Variants in RAPH1 observed in about 807,000 individuals in gnomAD.
RAPH1 encodes the protein Ras association (RalGDS/AF-6) and pleckstrin homology domains 1.
A neutral mutation model predicts 88.1 loss-of-function variants in RAPH1; 18 were observed. That is an observed-to-expected ratio of 0.20 (90% confidence interval 0.14 to 0.30). The LOEUF (loss-of-function observed/expected upper bound fraction) is 0.30. Ranked by LOEUF, RAPH1 falls within the 10% of genes least tolerant of loss-of-function variation. The probability of loss-of-function intolerance (pLI) is 1.00; values close to 1 mark genes in which losing one functional copy is unlikely to be tolerated. For missense variants in RAPH1, 1,448 were observed against 1,543.2 expected, an observed-to-expected ratio of 0.94 and a Z score of 1.03; for synonymous variants, 587 against 559.0, an observed-to-expected ratio of 1.05 and a Z score of -0.71.
At chr2:203,483,329 C>T (rs554555325) in intron 4 of RAPH1, among the ~76,000 whole-genome samples, 1 of 152,134 alleles carries the variant, frequency 6.6e-6, no homozygotes, top group South Asian at 2.1e-4. Flanking sequence ...GCAGTGAAGG[C>T]GGTGAGAAGT....
chr2:203,458,762 CTTTT>C (rs2098521879), intron 7 of RAPH1, among the ~76,000 whole-genome samples: 3 of 148,994 alleles, frequency 2.0e-5, no homozygotes, highest in Non-Finnish European at 3.0e-5. Context: ...ACTTCTTTTT[CTTTT>C]TCTCTTTTTT....
chr2:203,465,628 C>G (rs567357733), intron 4 of RAPH1, among the ~76,000 whole-genome samples: 1 of 152,322 alleles, frequency 6.6e-6, no homozygotes, highest in East Asian at 1.9e-4. Flanking sequence ...TGGCCCATGC[C>G]TGTAATCCCA....
Position 203,439,382 on chromosome 2 carries a change from G to C in RAPH1, c.*55C>G. ...AACACCTGAATTCACAGATGATCAGGTGAGCTGATTGTAGCAGTGATTACA... is the reference window on the plus strand; with the variant it reads ...AACACCTGAATTCACAGATGATCAGCTGAGCTGATTGTAGCAGTGATTACA... On this transcript the variant is annotated 3_prime_UTR_variant, in exon 14 of 14. Coordinates refer to ENST00000319170, the MANE Select transcript of RAPH1 (RefSeq NM_213589.3). 6.5e-7 allele frequency: 1 copy of C among 1,528,528 alleles called. No homozygotes were observed. Among genetic ancestry groups the C allele is most frequent in the Non-Finnish European group, 9.0e-7 (1 of 1,115,162 alleles). The allele number at this position is 1,528,528 out of a possible 1,614,324, so 94.7% of individuals were successfully genotyped here.
intron 4 of RAPH1, among the ~76,000 whole-genome samples, chr2:203,470,071 T>A (rs531352807): frequency 6.6e-6 from 1 of 152,318 alleles, no homozygotes; most frequent in African/African-American, 2.4e-5. Flanking sequence ...CAATATTGCC[T>A]GACAGTCATT....
chr2:203,520,409 C>A (rs980223922), intron 1 of RAPH1, among the ~76,000 whole-genome samples: 1 of 151,532 alleles, frequency 6.6e-6, no homozygotes, highest in African/African-American at 2.4e-5. Flanking sequence ...GGGTGGATCA[C>A]CTGAGGTCAG....
chr2:203,483,671 G>A lies in RAPH1; in HGVS notation c.732+5913C>T, dbSNP rs563827151. Among the ~76,000 whole-genome samples, 4 of 152,328 alleles carry A rather than the reference G, an allele frequency of 2.6e-5. No individual in the cohort carries two copies. In the South Asian group the frequency reaches 6.2e-4, roughly 24 times the overall value. On this transcript the variant is annotated intron_variant, in intron 4 of 13. Coordinates refer to ENST00000319170, the MANE Select transcript of RAPH1 (RefSeq NM_213589.3). Reference sequence around the variant, plus strand: ...AGAGTGTTTCCAGAGGAGATGGTGTGTGAACCAGGACTGAGTGGGGAAGAT... The same window carrying A: ...AGAGTGTTTCCAGAGGAGATGGTGTATGAACCAGGACTGAGTGGGGAAGAT...
At chr2:203,519,146 C>G (rs749783733) in intron 1 of RAPH1, among the ~76,000 whole-genome samples, 85 of 152,290 alleles carry the variant, frequency 5.6e-4, no homozygotes, top group African/African-American at 2.0e-3. Context: ...CATAGTAACT[C>G]ATGAGCCAGC....
Position 203,460,023 on chromosome 2 carries a change from TTC to T in RAPH1, c.974_975del (p.Arg325AsnfsTer3). 6.2e-7 allele frequency: 1 copy of T among 1,603,802 alleles called. No homozygotes were observed. The highest frequency in any genetic ancestry group is 8.5e-7 in the Non-Finnish European group (1 of 1,175,058). On this transcript the variant is annotated frameshift_variant, in exon 7 of 14. Coordinates refer to ENST00000319170, the MANE Select transcript of RAPH1 (RefSeq NM_213589.3). LOFTEE classifies it high-confidence loss of function. ...VETVSELQME[R>X]IFEDHENLVE... ...ACCAAGTTTTCATGGTCTTCAAAGA[TTC>T]TCTCTGTCCCAAAATAAAATATCCG... is the stretch of plus-strand genomic sequence containing the variant.
intron 2 of RAPH1, among the ~76,000 whole-genome samples, chr2:203,494,893 T>G (rs1274341031): frequency 3.3e-5 from 5 of 151,934 alleles, no homozygotes. Flanking sequence ...TGTATTCAAA[T>G]TTACTAAGGT....
Position 203,439,100 on chromosome 2 carries a change from T to C in RAPH1, c.*337A>G, listed in dbSNP as rs999107718. The C allele has an allele frequency of 8.9e-6, 2 of 224,784 alleles. No homozygotes were observed. Among genetic ancestry groups the C allele is most frequent in the East Asian group, 8.7e-5 (1 of 11,440 alleles). The allele number at this position is 224,784 out of a possible 1,614,324, so 13.9% of individuals were successfully genotyped here. A position where few individuals can be genotyped will look rare whatever the true frequency, so the allele number is the denominator to read the frequency against. ...TTAGAAGTTTTTGGTCCAATCCACATGATATAGAAATCTTAAGAGACAACA... is the reference window on the plus strand; with the variant it reads ...TTAGAAGTTTTTGGTCCAATCCACACGATATAGAAATCTTAAGAGACAACA... On this transcript the variant is annotated 3_prime_UTR_variant, in exon 14 of 14. Transcript: ENST00000319170.
At chr2:203,507,833 T>G (rs374818778) in intron 1 of RAPH1, among the ~76,000 whole-genome samples, 1 of 152,192 alleles carries the variant, frequency 6.6e-6, no homozygotes, top group African/African-American at 2.4e-5. Context: ...ATGACTGGAT[T>G]AGATCACAGT....
At chr2:203,515,825 T>C (rs1254992576) in intron 1 of RAPH1, among the ~76,000 whole-genome samples, 2 of 152,074 alleles carry the variant, frequency 1.3e-5, no homozygotes, top group African/African-American at 4.8e-5. Flanking sequence ...AGACAAACAA[T>C]AGTTGGAGGA....
intron 4 of RAPH1, among the ~76,000 whole-genome samples, chr2:203,484,237 A>G (rs1687864178): frequency 6.6e-6 from 1 of 152,162 alleles, no homozygotes; most frequent in Admixed American, 6.6e-5. Flanking sequence ...TACTTTCTTG[A>G]TCTTTATTAG....
rs572970521 is a variant in RAPH1, at chr2:203,449,174, T to C, written c.1414-338A>G. ...ATAGAATTCTCCATCTATAAGATTA[T>C]GGAAAAGGAAGAGAATGTTTAATTT... On this transcript the variant is annotated intron_variant, in intron 10 of 13. Coordinates refer to ENST00000319170, the MANE Select transcript of RAPH1 (RefSeq NM_213589.3). Among the ~76,000 whole-genome samples, 8 of 152,338 alleles carry C rather than the reference T, an allele frequency of 5.3e-5. No individual in the cohort carries two copies. The South Asian group carries it at 1.2e-3, about 24-fold the overall frequency.
chr2:203,466,375 A>G (rs940593660), intron 4 of RAPH1, among the ~76,000 whole-genome samples: 3 of 152,210 alleles, frequency 2.0e-5, no homozygotes, highest in East Asian at 1.9e-4. Context: ...AGCAATCACC[A>G]TATCTTTTAA....
rs761525770 is a variant in RAPH1, at chr2:203,439,638, G to A, written c.3552C>T (p.Leu1184=). The change falls in exon 14 of 14, where the codon CTC becomes CTT. Residue 1184 remains leucine, a synonymous_variant. Coordinates refer to ENST00000319170, the MANE Select transcript of RAPH1 (RefSeq NM_213589.3). ...QRKSITRHGS[L]SSRMSRAEPT... is the part of the protein sequence containing the mutation. The stretch of plus-strand genomic sequence containing the variant: ...GTTCTGCTCTGGACATGCGGGAGGA[G>A]AGTGAGCCGTGCCGAGTGATGGACT... The A allele has an allele frequency of 6.2e-7, 1 of 1,614,026 alleles. No homozygotes were observed. The highest frequency in any genetic ancestry group is 1.3e-5 in the African/African-American group (1 of 74,924).
chr2:203,455,779 G>A (rs954811472), intron 8 of RAPH1, among the ~76,000 whole-genome samples, 199 bp from the exon 9 acceptor site: 12 of 151,784 alleles, frequency 7.9e-5, no homozygotes, highest in Non-Finnish European at 1.0e-4. Context: ...TTTGGGAAGC[G>A]GGTGGATCAC....
At chr2:203,461,551 T>A in intron 5 of RAPH1, 143 bp from the exon 6 acceptor site, 1 of 583,282 alleles carries the variant, frequency 1.7e-6, no homozygotes, top group Non-Finnish European at 2.7e-6. Context: ...TGCAAAAATA[T>A]AGGCTAAAAA....
intron 1 of RAPH1, among the ~76,000 whole-genome samples, chr2:203,516,988 C>G (rs936074975): frequency 6.7e-6 from 1 of 149,804 alleles, no homozygotes; most frequent in African/African-American, 2.5e-5. Flanking sequence ...GAGCCGACAT[C>G]GCGTCACTGC....
Sources: gnomAD v4.1 joint callset for allele counts (sites outside exome capture counted in the v4.1 genomes callset) on GRCh38, gnomAD v4.1.1 for gene constraint, MANE v1.5 for transcripts, NCBI Gene and HGNC (gene_info 2026-07-23, HGNC 2026-07-21) for gene names.